Variants in LRRTM4 observed in about 807,000 individuals in gnomAD.
LRRTM4 encodes the protein leucine rich repeat transmembrane neuronal 4, also known as leucine-rich repeat transmembrane neuronal protein 4.
LRRTM4 carries 25 observed loss-of-function variants against 47.6 expected under a neutral mutation model. The observed-to-expected ratio is 0.53, with a 90% CI of 0.38 to 0.73. The LOEUF (loss-of-function observed/expected upper bound fraction) is 0.73. LRRTM4 is among the 30% of genes least tolerant of loss of function. The pLI, the probability that LRRTM4 is intolerant of heterozygous loss-of-function variation, is 0.00. For synonymous variants in LRRTM4, 311 were observed against 269.5 expected (o/e 1.15, Z -1.51); for missense variants, 638 against 713.4 (o/e 0.89, Z 1.20).
intron 3 of LRRTM4, among the ~76,000 whole-genome samples, chr2:77,303,981 G>T (rs1416195347): frequency 2.0e-5 from 3 of 152,142 alleles, no homozygotes; most frequent in Admixed American, 2.0e-4. Context: ...CCAGTAGTGG[G>T]ATTGCTGGAT....
chr2:77,305,262 TTA>T (rs1262597800), intron 3 of LRRTM4, among the ~76,000 whole-genome samples: 1 of 152,080 alleles, frequency 6.6e-6, no homozygotes, highest in Non-Finnish European at 1.5e-5. Context: ...TCTTATATAT[TTA>T]TGTTATAAAC....
chr2:77,090,712 G>A (rs1432194701), intron 3 of LRRTM4, among the ~76,000 whole-genome samples: 1 of 152,094 alleles, frequency 6.6e-6, no homozygotes, highest in Non-Finnish European at 1.5e-5. Context: ...TTCCTCCTAA[G>A]TCATGTCCCA....
intron 3 of LRRTM4, among the ~76,000 whole-genome samples, chr2:76,990,601 C>A (rs1676968924): frequency 6.6e-6 from 1 of 151,634 alleles, no homozygotes; most frequent in Non-Finnish European, 1.5e-5. Context: ...AAGACTTAAC[C>A]ATCCTTAGTA....
At chr2:77,373,216 G>A (rs1573327784) in intron 3 of LRRTM4, among the ~76,000 whole-genome samples, 1 of 150,202 alleles carries the variant, frequency 6.7e-6, no homozygotes, top group East Asian at 2.0e-4. Flanking sequence ...CAATTGATAG[G>A]CAACTTGTAA....
intron 3 of LRRTM4, among the ~76,000 whole-genome samples, chr2:76,899,793 A>C (rs1435001658): frequency 2.0e-5 from 3 of 152,236 alleles, no homozygotes; most frequent in Non-Finnish European, 4.4e-5. Flanking sequence ...AATTATAACA[A>C]AAAGTAATTC....
chr2:76,828,955 A>G (rs903606997), intron 3 of LRRTM4, among the ~76,000 whole-genome samples: 1 of 151,960 alleles, frequency 6.6e-6, no homozygotes, highest in Admixed American at 6.6e-5. Context: ...ACCATGAAAT[A>G]TCTTATATTC....
intron 3 of LRRTM4, among the ~76,000 whole-genome samples, chr2:77,098,314 G>T (rs928939722): frequency 2.6e-5 from 4 of 152,014 alleles, no homozygotes; most frequent in African/African-American, 4.8e-5. Context: ...TGGACAAATA[G>T]TCCAAGGGAA....
At chr2:77,020,976 T>C (rs1353988044) in intron 3 of LRRTM4, among the ~76,000 whole-genome samples, 2 of 152,166 alleles carry the variant, frequency 1.3e-5, no homozygotes, top group Non-Finnish European at 2.9e-5. Flanking sequence ...ACTGTTATCC[T>C]GTATGTGTCT....
intron 3 of LRRTM4, among the ~76,000 whole-genome samples, chr2:77,303,616 TA>T (rs916939843): frequency 1.3e-5 from 2 of 152,226 alleles, no homozygotes; most frequent in Non-Finnish European, 2.9e-5. Context: ...ATACATTTAA[TA>T]AAAAATTGTT....
At chr2:77,470,270 A>G (rs1383429088) in intron 3 of LRRTM4, among the ~76,000 whole-genome samples, 1 of 152,210 alleles carries the variant, frequency 6.6e-6, no homozygotes, top group Non-Finnish European at 1.5e-5. Flanking sequence ...CTAAGGATTA[A>G]GAGCCATATA....
chr2:76,889,099 A>G (rs1373777224), intron 3 of LRRTM4, among the ~76,000 whole-genome samples: 4 of 146,954 alleles, frequency 2.7e-5, no homozygotes, highest in Non-Finnish European at 6.2e-5. Context: ...GAAATATACT[A>G]CTTCATTTCA....
intron 3 of LRRTM4, among the ~76,000 whole-genome samples, chr2:76,788,487 A>G (rs1387927026): frequency 1.3e-5 from 2 of 152,206 alleles, no homozygotes; most frequent in African/African-American, 4.8e-5. Flanking sequence ...CAGCAAAGAT[A>G]CAGAGTGTAA....
chr2:77,406,204 G>C (rs1254870014), intron 3 of LRRTM4, among the ~76,000 whole-genome samples: 6 of 152,022 alleles, frequency 3.9e-5, no homozygotes, highest in Non-Finnish European at 8.8e-5. Flanking sequence ...ATACCTGAAA[G>C]CTGTTGACTA....
intron 3 of LRRTM4, among the ~76,000 whole-genome samples, chr2:76,769,880 T>C (rs565557547): frequency 4.4e-4 from 66 of 151,646 alleles, no homozygotes; most frequent in Non-Finnish European, 8.4e-4. Context: ...CAAAAAATAA[T>C]ACCTTTTTTT....
intron 3 of LRRTM4, among the ~76,000 whole-genome samples, chr2:77,155,567 A>G (rs191663979): frequency 7.0e-4 from 106 of 151,762 alleles, no homozygotes; most frequent in Admixed American, 1.2e-3. Flanking sequence ...TATTATATAT[A>G]TATATATCTT....
chr2:77,479,596 G>T (rs1035393721), intron 3 of LRRTM4, among the ~76,000 whole-genome samples: 3 of 152,166 alleles, frequency 2.0e-5, no homozygotes, highest in Non-Finnish European at 4.4e-5. Context: ...TACACAGTTT[G>T]TTACTGCCCT....
intron 3 of LRRTM4, among the ~76,000 whole-genome samples, chr2:77,107,217 C>T (rs989054005): frequency 3.3e-5 from 5 of 151,626 alleles, no homozygotes; most frequent in Non-Finnish European, 7.4e-5. Context: ...TAGATATTAA[C>T]ACATAATGTA....
At chr2:77,040,730 TA>T (rs1268570650) in intron 3 of LRRTM4, among the ~76,000 whole-genome samples, 2 of 151,528 alleles carry the variant, frequency 1.3e-5, no homozygotes, top group Non-Finnish European at 3.0e-5. Context: ...ACCAGTCCAC[TA>T]ATGTTTATAG....
At chr2:76,763,155 A>G (rs1673323347) in intron 3 of LRRTM4, among the ~76,000 whole-genome samples, 1 of 152,134 alleles carries the variant, frequency 6.6e-6, no homozygotes, top group Non-Finnish European at 1.5e-5. Flanking sequence ...TTTACTAGGG[A>G]ATTTATTCTC....
Sources: allele counts gnomAD v4.1 joint callset (sites outside exome capture counted in the v4.1 genomes callset), GRCh38; gene constraint gnomAD v4.1.1; transcripts MANE v1.5; gene names NCBI Gene and HGNC (gene_info 2026-07-23, HGNC 2026-07-21).